NEUROD1: variants seen among roughly 807,000 people sequenced by gnomAD.
NEUROD1 encodes neuronal differentiation 1.
A neutral mutation model predicts 21.8 loss-of-function variants in NEUROD1; 9 were observed. The observed-to-expected ratio is 0.41, with a 90% CI of 0.25 to 0.72. NEUROD1 has a LOEUF of 0.72. NEUROD1 is among the 30% of genes least tolerant of loss of function. The pLI, the probability that NEUROD1 is intolerant of heterozygous loss-of-function variation, is 0.31. For missense variants in NEUROD1, 434 were observed against 468.8 expected (o/e 0.93, Z 0.69); for synonymous variants, 199 against 186.2 (o/e 1.07, Z -0.56).
chr2:181,674,151 C>T (rs1222350693), downstream of NEUROD1, among the ~76,000 whole-genome samples: 1 of 152,062 alleles, frequency 6.6e-6, no homozygotes, highest in Non-Finnish European at 1.5e-5. Flanking sequence ...TATGAAATTT[C>T]CCCCTGATTT....
downstream of NEUROD1, chr2:181,673,589 G>A (rs1265585490): frequency 6.6e-6 from 1 of 152,206 alleles, no homozygotes; most frequent in Non-Finnish European, 1.5e-5. Flanking sequence ...CAGGAAATAA[G>A]TGGTGTTAGA....
chr2:181,678,495 G>C lies in NEUROD1; in HGVS notation c.366C>G (p.Asp122Glu), dbSNP rs1275025524. 22 of 1,614,132 alleles carry C rather than the reference G, an allele frequency of 1.4e-5. No individual in the cohort carries two copies. The highest frequency in any genetic ancestry group is 1.8e-5 in the Non-Finnish European group (21 of 1,180,058). ...AGCAAGGCACCACCTTGCGCAGGTT[G>C]TCTAGCGCCGCGTTCAGTCCGTGCA... is the stretch of plus-strand genomic sequence containing the variant. ...NRMHGLNAAL[D>E]NLRKVVPCYS... Residue 122 changes from aspartate (D) to glutamate (E), a missense_variant, in exon 2 of 2, where the codon GAC (aspartate) becomes GAG (glutamate). Physicochemically the swap from Asp to Glu is conservative, Grantham distance 45. Coordinates refer to ENST00000295108, the MANE Select transcript of NEUROD1 (RefSeq NM_002500.5). This position sits in a 1 kb window ranked among gnomAD's most constrained non-coding sequence, Gnocchi z 5.5.
chr2:181,677,556 TA>T lies in NEUROD1; in HGVS notation c.*233del, dbSNP rs1688602635. ...GTGGTGTATTTTTTAAACTTTACTGTATTTTTTTATTTTTTAAATAGAAGAG... is the reference window on the plus strand; with the variant it reads ...GTGGTGTATTTTTTAAACTTTACTGTTTTTTTTATTTTTTAAATAGAAGAG... On this transcript the variant is annotated 3_prime_UTR_variant, in exon 2 of 2. Transcript: ENST00000295108. 3.2e-6 allele frequency: 2 copies of T among 627,746 alleles called. No homozygotes were observed. Among genetic ancestry groups the T allele is most frequent in the South Asian group, 4.2e-5 (2 of 48,048 alleles). The allele number at this position is 627,746 out of a possible 1,614,324, so 38.9% of individuals were successfully genotyped here.
chr2:181,676,133 A>G (rs1409638997), downstream of NEUROD1, among the ~76,000 whole-genome samples: 1 of 152,202 alleles, frequency 6.6e-6, no homozygotes, highest in Non-Finnish European at 1.5e-5. Context: ...TTAAAAAAAG[A>G]AATAGAAGAA....
downstream of NEUROD1, among the ~76,000 whole-genome samples, chr2:181,670,034 T>C (rs1688474445): frequency 6.6e-6 from 1 of 152,196 alleles, no homozygotes; most frequent in Admixed American, 6.5e-5. Context: ...TTTTTTAAAA[T>C]TATGTACTTT....
Position 181,678,629 on chromosome 2 carries a change from C to A in NEUROD1, c.232G>T (p.Asp78Tyr), listed in dbSNP as rs748959606. ...EEEEEEEEDD[D>Y]QKPKRRGPKK... Reference sequence around the variant, plus strand: ...GGGCCGCGTCTCTTGGGCTTTTGATCGTCATCCTCCTCTTCCTCTTCTTCC... The same window carrying A: ...GGGCCGCGTCTCTTGGGCTTTTGATAGTCATCCTCCTCTTCCTCTTCTTCC... Residue 78 changes from aspartate to tyrosine, a missense_variant, in exon 2 of 2, where the codon GAT becomes TAT. By Grantham distance (160) the Asp-to-Tyr change is radical. Coordinates refer to ENST00000295108, the MANE Select transcript of NEUROD1 (RefSeq NM_002500.5). This position sits in a 1 kb window ranked among gnomAD's most constrained non-coding sequence, Gnocchi z 5.5. The A allele has an allele frequency of 3.1e-6, 5 of 1,613,964 alleles. No homozygotes were observed. The highest frequency in any genetic ancestry group is 3.4e-6 in the Non-Finnish European group (4 of 1,179,928).
exon 2 of NEUROD1, among the ~76,000 whole-genome samples, chr2:181,670,509 G>T (rs1266121765): frequency 1.3e-5 from 2 of 152,112 alleles, no homozygotes. Flanking sequence ...CAATTCATTA[G>T]AGATTTTAGT....
downstream of NEUROD1, among the ~76,000 whole-genome samples, chr2:181,670,084 C>T (rs187730413): frequency 1.4e-4 from 22 of 152,172 alleles, no homozygotes; most frequent in East Asian, 2.9e-3. Flanking sequence ...TCTATGAAAT[C>T]GGGAAAGTGC....
downstream of NEUROD1, chr2:181,676,358 T>A (rs550659818): frequency 7.2e-5 from 11 of 152,712 alleles, no homozygotes; most frequent in African/African-American, 2.6e-4. Flanking sequence ...TTTTTTCTTT[T>A]CTTTTATTCT....
chr2:181,672,831 G>A (rs545457441), downstream of NEUROD1, among the ~76,000 whole-genome samples: 17 of 152,200 alleles, frequency 1.1e-4, no homozygotes, highest in Non-Finnish European at 2.5e-4. Context: ...CTTAGCAGTG[G>A]GCTAGTGTGT....
At chr2:181,679,372 A>G (rs1688656742) in intron 1 of NEUROD1, among the ~76,000 whole-genome samples, 1 of 152,216 alleles carries the variant, frequency 6.6e-6, no homozygotes, top group South Asian at 2.1e-4. Context: ...GTAATTTACT[A>G]ATACTGGCAG....
downstream of NEUROD1, chr2:181,673,289 C>A (rs1318541578): frequency 1.3e-5 from 2 of 152,214 alleles, no homozygotes; most frequent in East Asian, 1.9e-4. Flanking sequence ...GAGTCAATTG[C>A]CAGCACAGAA....
rs774325551 is a variant in NEUROD1 at position 181,677,806 on chromosome 2, G to A, written c.1055C>T (p.Ala352Val). The change falls in exon 2 of 2, where the codon GCC becomes GTC. Residue 352 changes from alanine to valine, a missense_variant. By Grantham distance (64) the Ala-to-Val change is moderately conservative. Transcript: ENST00000295108. ...HERVMSAQLN[A>V]IFHD is the part of the protein sequence containing the mutation. ...GGCGTGCCTCTAATCATGAAATATG[G>A]CATTGAGCTGGGCACTCATGACTCG... 1.1e-5 allele frequency: 18 copies of A among 1,614,102 alleles called. No individual in the cohort carries two copies. Among genetic ancestry groups the A allele is most frequent in the Non-Finnish European group, 1.4e-5 (17 of 1,180,010 alleles).
rs772159131 is a variant in NEUROD1, at chr2:181,678,607, C to G, written c.254G>C (p.Gly85Ala). 4.3e-6 allele frequency: 7 copies of G among 1,614,144 alleles called. No individual in the cohort carries two copies. The highest frequency in any genetic ancestry group is 5.9e-6 in the Non-Finnish European group (7 of 1,180,010). Residue 85 changes from glycine to alanine, a missense_variant, in exon 2 of 2, where the codon GGC becomes GCC. By Grantham distance (60) the Gly-to-Ala change is moderately conservative (BLOSUM62 0). Coordinates refer to ENST00000295108, the MANE Select transcript of NEUROD1 (RefSeq NM_002500.5). The surrounding 1 kb of genome is among the most constrained non-coding windows in gnomAD (Gnocchi z 5.5). ...CTTAGTCATCTTCTTCTTTTTGGGG[C>G]CGCGTCTCTTGGGCTTTTGATCGTC... Reference protein sequence around the residue: ...EDDDQKPKRRGPKKKKMTKAR... With the variant: ...EDDDQKPKRRAPKKKKMTKAR...
chr2:181,678,504 C>T lies in NEUROD1; in HGVS notation c.357G>A (p.Ala119=), dbSNP rs375774931. The change falls in exon 2 of 2, where the codon GCG becomes GCA. Residue 119 remains alanine, a synonymous_variant. Coordinates refer to ENST00000295108, the MANE Select transcript of NEUROD1 (RefSeq NM_002500.5). The surrounding 1 kb of genome is among the most constrained non-coding windows in gnomAD (Gnocchi z 5.5). ...CCACCTTGCGCAGGTTGTCTAGCGC[C>T]GCGTTCAGTCCGTGCATGCGGTTCC... ...RERNRMHGLN[A]ALDNLRKVVP... is the part of the protein sequence containing the mutation. The T allele has an allele frequency of 2.2e-5, 35 of 1,614,112 alleles. No homozygotes were observed. Among genetic ancestry groups the T allele is most frequent in the Middle Eastern group, 1.6e-4 (1 of 6,084 alleles).
In NEUROD1 at chr2:181,678,921, A is replaced by G. The variant is rs1425569358; in HGVS notation, c.-11-50T>C. 19 of 1,606,078 alleles carry G rather than the reference A, an allele frequency of 1.2e-5. No individual in the cohort carries two copies. Among genetic ancestry groups the G allele is most frequent in the South Asian group, 1.1e-5 (1 of 90,378 alleles). On this transcript the variant is annotated intron_variant, in intron 1 of 1. Coordinates refer to ENST00000295108, the MANE Select transcript of NEUROD1 (RefSeq NM_002500.5). This position sits in a 1 kb window ranked among gnomAD's most constrained non-coding sequence, Gnocchi z 5.5. ...ACAGAAAGAAAAGCAGAAAAACGCT[A>G]TATTCAAAAGCCAGATACGCCTTCA... is the stretch of plus-strand genomic sequence containing the variant.
exon 2 of NEUROD1, among the ~76,000 whole-genome samples, chr2:181,670,601 A>T (rs1157641953): frequency 2.0e-5 from 3 of 152,204 alleles, no homozygotes; most frequent in Admixed American, 6.5e-5. Context: ...ATTATATTAC[A>T]GTTCTGGAGA....
At chr2:181,674,354 A>G (rs1453291358), downstream of NEUROD1, among the ~76,000 whole-genome samples, 1 of 152,202 alleles carries the variant, frequency 6.6e-6, no homozygotes, top group African/African-American at 2.4e-5. Flanking sequence ...CAAACTTGCC[A>G]GCATTTTTTT....
Position 181,677,944 on chromosome 2 carries a change from G to C in NEUROD1, c.917C>G (p.Ala306Gly). 6.2e-7 allele frequency: 1 copy of C among 1,614,176 alleles called. No homozygotes were observed. Among genetic ancestry groups the C allele is most frequent in the Non-Finnish European group, 8.5e-7 (1 of 1,180,014 alleles). Residue 306 changes from alanine to glycine, a missense_variant, in exon 2 of 2, where the codon GCG becomes GGG. Physicochemically the swap from Ala to Gly is moderately conservative, Grantham distance 60. Coordinates refer to ENST00000295108, the MANE Select transcript of NEUROD1 (RefSeq NM_002500.5). ...NYAFTMHYPAATLAGAQSHGS... is the reference protein window; with the variant it reads ...NYAFTMHYPAGTLAGAQSHGS... ...GTGGCTTTGGGCCCCTGCCAGTGTC[G>C]CTGCAGGATAGTGCATGGTAAAGGC...
Sources: allele counts gnomAD v4.1 joint callset (sites outside exome capture counted in the v4.1 genomes callset), GRCh38; gene constraint gnomAD v4.1.1; non-coding constraint Gnocchi (gnomAD v3.1); transcripts MANE v1.5; gene names NCBI Gene and HGNC (gene_info 2026-07-23, HGNC 2026-07-21).